KCNQ1: variants seen among roughly 807,000 people sequenced by gnomAD.
KCNQ1 encodes the protein potassium voltage-gated channel subfamily KQT member 1.
A neutral mutation model predicts 72.4 loss-of-function variants in KCNQ1; 49 were observed. The ratio of observed to expected loss-of-function variants is 0.68; its 90% CI spans 0.54 to 0.86. The LOEUF (loss-of-function observed/expected upper bound fraction) is 0.86. KCNQ1 is among the 40% of genes least tolerant of loss of function. The pLI is 0.00. For synonymous variants in KCNQ1, 450 were observed against 412.6 expected (o/e 1.09, Z -1.10); for missense variants, 790 against 945.1 (o/e 0.84, Z 2.15).
chr11:2,797,454 G>A (rs750858730), intron 15 of KCNQ1, among the ~76,000 whole-genome samples: 23 of 152,162 alleles, frequency 1.5e-4, no homozygotes, highest in Admixed American at 2.6e-4. Context: ...CATCAAGGTC[G>A]GGCTGGGCTG....
At chr11:2,798,449 T>C (rs1262429896) in intron 15 of KCNQ1, among the ~76,000 whole-genome samples, 1 of 151,876 alleles carries the variant, frequency 6.6e-6, no homozygotes. Context: ...GCCTCCTTAC[T>C]GGGGTCACCT....
Position 2,668,350 on chromosome 11 carries a change from G to A in KCNQ1, c.1514+6269G>A, listed in dbSNP as rs899994808. 17 of 398,404 alleles carry A rather than the reference G, an allele frequency of 4.3e-5. No homozygotes were observed. The Admixed American group carries it at 7.5e-4, about 18-fold the overall frequency. 24.7% of individuals were successfully genotyped at this position (398,404 alleles called of 1,614,324 possible). Reference sequence around the variant, plus strand: ...GTGTGGAGCTGCAGGGTCCTGGGTGGGCATATGTTTACTCTTAGTGAATAC... The same window carrying A: ...GTGTGGAGCTGCAGGGTCCTGGGTGAGCATATGTTTACTCTTAGTGAATAC... On this transcript the variant is annotated intron_variant, in intron 11 of 15. Coordinates refer to ENST00000155840, the MANE Select transcript of KCNQ1 (RefSeq NM_000218.3). This position sits in a 1 kb window ranked among gnomAD's most constrained non-coding sequence, Gnocchi z 4.3.
chr11:2,647,130 T>C lies in KCNQ1; in HGVS notation c.1394-14831T>C, dbSNP rs953867577. 3 of 398,446 alleles carry C rather than the reference T, an allele frequency of 7.5e-6. No individual in the cohort carries two copies. The highest frequency in any genetic ancestry group is 6.2e-5 in the African/African-American group (3 of 48,630). 24.7% of individuals were successfully genotyped at this position (398,446 alleles called of 1,614,324 possible). On this transcript the variant is annotated intron_variant, in intron 10 of 15. Transcript: ENST00000155840. The surrounding 1 kb of genome is among the most constrained non-coding windows in gnomAD (Gnocchi z 4.0). ...GTGGGTTTGTCATATATGACCTTCA[T>C]TGAGTTATGTTCCTTCTAGACATTA...
chr11:2,592,146 C>T lies in KCNQ1; in HGVS notation c.1393+3292C>T, dbSNP rs1288171844. On this transcript the variant is annotated intron_variant, in intron 10 of 15. Coordinates refer to ENST00000155840, the MANE Select transcript of KCNQ1 (RefSeq NM_000218.3). This position sits in a 1 kb window ranked among gnomAD's most constrained non-coding sequence, Gnocchi z 5.2. ...CTGCCTCAGGGCTGCTACCTGTCTGCGCCATCCACCTGCACACAAGCCCCT... is the reference window on the plus strand; with the variant it reads ...CTGCCTCAGGGCTGCTACCTGTCTGTGCCATCCACCTGCACACAAGCCCCT... Among the ~76,000 whole-genome samples the T allele has an allele frequency of 2.6e-5, 4 of 152,362 alleles. No homozygotes were observed. The highest frequency in any genetic ancestry group is 4.1e-4 in the South Asian group (2 of 4,834).
Position 2,787,151 on chromosome 11 carries a change from C to A in KCNQ1, c.1794+9114C>A, listed in dbSNP as rs1283042471. On this transcript the variant is annotated intron_variant, in intron 15 of 15. Coordinates refer to ENST00000155840, the MANE Select transcript of KCNQ1 (RefSeq NM_000218.3). This position sits in a 1 kb window ranked among gnomAD's most constrained non-coding sequence, Gnocchi z 6.3. Reference sequence around the variant, plus strand: ...GCCACTTAGGTAGTATGAATTCAAGCCTCCAAGCTGAGCATGGACTAACTT... The same window carrying A: ...GCCACTTAGGTAGTATGAATTCAAGACTCCAAGCTGAGCATGGACTAACTT... Among the ~76,000 whole-genome samples, 1 of 152,114 alleles carries A rather than the reference C, an allele frequency of 6.6e-6. No homozygotes were observed. Among genetic ancestry groups the A allele is most frequent in the Non-Finnish European group, 1.5e-5 (1 of 68,034 alleles).
rs1187792710 is a variant in KCNQ1, at chr11:2,468,969, T to G, written c.386+23485T>G. Among the ~76,000 whole-genome samples, 1 of 152,192 alleles carries G rather than the reference T, an allele frequency of 6.6e-6. No homozygotes were observed. The highest frequency in any genetic ancestry group is 1.5e-5 in the Non-Finnish European group (1 of 68,028). ...CTGTGTCATGGGGTGGGTGAGGGCTTCACTTTCTAGGACACTGACAAACCG... is the reference window on the plus strand; with the variant it reads ...CTGTGTCATGGGGTGGGTGAGGGCTGCACTTTCTAGGACACTGACAAACCG... On this transcript the variant is annotated intron_variant, in intron 1 of 15. Coordinates refer to ENST00000155840, the MANE Select transcript of KCNQ1 (RefSeq NM_000218.3). The surrounding 1 kb of genome is among the most constrained non-coding windows in gnomAD (Gnocchi z 5.7).
In KCNQ1 at chr11:2,451,619, G is replaced by A. The variant is rs906539230; in HGVS notation, c.386+6135G>A. On this transcript the variant is annotated intron_variant, in intron 1 of 15. Coordinates refer to ENST00000155840, the MANE Select transcript of KCNQ1 (RefSeq NM_000218.3). The surrounding 1 kb of genome is among the most constrained non-coding windows in gnomAD (Gnocchi z 6.4). ...TCCCTCATCGGCACCGGACTCTCAG[G>A]ATGAGCCGCCTGGAGTCTGTTGGCA... Among the ~76,000 whole-genome samples, 4 of 152,186 alleles carry A rather than the reference G, an allele frequency of 2.6e-5. No individual in the cohort carries two copies. Among genetic ancestry groups the A allele is most frequent in the Non-Finnish European group, 4.4e-5 (3 of 68,028 alleles).
In KCNQ1 at chr11:2,559,383, T is replaced by A. The variant is rs1848125152; in HGVS notation, c.478-11245T>A. 6.6e-6 allele frequency among the ~76,000 whole-genome samples: 1 copy of A among 152,160 alleles called. No homozygotes were observed. Among genetic ancestry groups the A allele is most frequent in the South Asian group, 2.1e-4 (1 of 4,824 alleles). On this transcript the variant is annotated intron_variant, in intron 2 of 15. Transcript: ENST00000155840. The surrounding 1 kb of genome is among the most constrained non-coding windows in gnomAD (Gnocchi z 4.9). ...CCTGGATCTTGTTGACACCCCGGGA[T>A]GTGCCCTTGTGGCTACTTAGACGTA...
chr11:2,612,551 A>C lies in KCNQ1; in HGVS notation c.1393+23697A>C, dbSNP rs1304129548. On this transcript the variant is annotated intron_variant, in intron 10 of 15. Coordinates refer to ENST00000155840, the MANE Select transcript of KCNQ1 (RefSeq NM_000218.3). The surrounding 1 kb of genome is among the most constrained non-coding windows in gnomAD (Gnocchi z 5.5). ...AGCCGCACTAGTGAGTTTTTCACCT[A>C]AGTTATTATATTTCACAACTACAGA... 1 of 398,456 alleles carries C rather than the reference A, an allele frequency of 2.5e-6. No individual in the cohort carries two copies. The highest frequency in any genetic ancestry group is 4.4e-6 in the Non-Finnish European group (1 of 226,060). 24.7% of individuals were successfully genotyped at this position (398,456 alleles called of 1,614,324 possible).
intron 11 of KCNQ1, chr11:2,685,597 G>C (rs1157947160): frequency 1.5e-5 from 6 of 398,608 alleles, no homozygotes; most frequent in Middle Eastern, 6.2e-4. Flanking sequence ...CAGGAAGCTA[G>C]GAGGGTTGCA....
chr11:2,527,347 C>T (rs1847527336), intron 1 of KCNQ1, among the ~76,000 whole-genome samples: 1 of 152,216 alleles, frequency 6.6e-6, no homozygotes, highest in Non-Finnish European at 1.5e-5. Flanking sequence ...CACCAACACC[C>T]CTGCCCTGGG....
At chr11:2,605,691 G>A (rs901014787) in intron 10 of KCNQ1, among the ~76,000 whole-genome samples, 3 of 152,026 alleles carry the variant, frequency 2.0e-5, no homozygotes, top group Non-Finnish European at 4.4e-5. Context: ...CTGTTACTTT[G>A]TAGTCAATTT....
Position 2,772,123 on chromosome 11 carries a change from G to A in KCNQ1, c.1590+3204G>A, listed in dbSNP as rs562202158. On this transcript the variant is annotated intron_variant, in intron 12 of 15. Transcript: ENST00000155840. The surrounding 1 kb of genome is among the most constrained non-coding windows in gnomAD (Gnocchi z 6.6). ...ATGGAGGGGTGGGGCCAGGGTGAGG[G>A]GAGCAGTAGCCCGTGGCAGTGAGGA... Among the ~76,000 whole-genome samples, 1 of 152,160 alleles carries A rather than the reference G, an allele frequency of 6.6e-6. No individual in the cohort carries two copies. Among genetic ancestry groups the A allele is most frequent in the African/African-American group, 2.4e-5 (1 of 41,444 alleles).
At chr11:2,616,752 T>C (rs1849071464) in intron 10 of KCNQ1, 1 of 398,172 alleles carries the variant, frequency 2.5e-6, no homozygotes, top group South Asian at 1.3e-4. Flanking sequence ...AGAGAAGATA[T>C]TTTGTATGAT....
At chr11:2,701,452 C>G (rs940329590) in intron 11 of KCNQ1, among the ~76,000 whole-genome samples, 6 of 152,202 alleles carry the variant, frequency 3.9e-5, no homozygotes, top group Non-Finnish European at 8.8e-5. Flanking sequence ...CCCTCACTAT[C>G]TAGCTGGGAA....
At chr11:2,525,099 C>T (rs961956272) in intron 1 of KCNQ1, among the ~76,000 whole-genome samples, 1 of 152,146 alleles carries the variant, frequency 6.6e-6, no homozygotes, top group African/African-American at 2.4e-5. Context: ...GGGCAGAGAC[C>T]CAGCCCAGCC....
intron 2 of KCNQ1, among the ~76,000 whole-genome samples, chr11:2,554,211 G>A (rs1432880795): frequency 3.9e-5 from 6 of 152,220 alleles, no homozygotes; most frequent in Admixed American, 3.9e-4. Context: ...AAGAGTTTGT[G>A]TAGAATTGCA....
rs1848215859 is a variant in KCNQ1, at chr11:2,564,282, G to A, written c.478-6346G>A. ...CCTTCTCCTAGTTCCTGACAAACAT[G>A]TTCTTTTTAAACATTATGGTGAAAT... On this transcript the variant is annotated intron_variant, in intron 2 of 15. Transcript: ENST00000155840. This position sits in a 1 kb window ranked among gnomAD's most constrained non-coding sequence, Gnocchi z 4.5. Among the ~76,000 whole-genome samples, 2 of 152,154 alleles carry A rather than the reference G, an allele frequency of 1.3e-5. No homozygotes were observed. The highest frequency in any genetic ancestry group is 4.8e-5 in the African/African-American group (2 of 41,438).
rs1851028183 is a variant in KCNQ1 at position 2,712,845 on chromosome 11, G to A, written c.1514+50764G>A. Among the ~76,000 whole-genome samples the A allele has an allele frequency of 6.6e-6, 1 of 152,196 alleles. No homozygotes were observed. The highest frequency in any genetic ancestry group is 2.1e-4 in the South Asian group (1 of 4,828). ...ATGGCATCTCCTAGAGAGTTTGGGG[G>A]CTGGACACAGGGAGGAGGCAGCATG... On this transcript the variant is annotated intron_variant, in intron 11 of 15. Coordinates refer to ENST00000155840, the MANE Select transcript of KCNQ1 (RefSeq NM_000218.3). The surrounding 1 kb of genome is among the most constrained non-coding windows in gnomAD (Gnocchi z 6.4).
Sources: gnomAD v4.1 joint callset for allele counts (sites outside exome capture counted in the v4.1 genomes callset) on GRCh38, gnomAD v4.1.1 for gene constraint, Gnocchi (gnomAD v3.1) non-coding constraint, MANE v1.5 for transcripts, NCBI Gene and HGNC (gene_info 2026-07-23, HGNC 2026-07-21) for gene names.